The following TBC1D19 variants were observed in gnomAD, a reference collection of about 807,000 sequenced individuals.
TBC1D19 encodes TBC1 domain family, member 19.
TBC1D19 carries 60 observed loss-of-function variants against 89.0 expected under a neutral mutation model. The observed-to-expected ratio is 0.67, with a 90% CI of 0.55 to 0.84. The LOEUF is 0.84. Ranked by LOEUF, TBC1D19 falls within the 40% of genes least tolerant of loss-of-function variation. The pLI is 0.00. For missense variants in TBC1D19, 500 were observed against 610.8 expected, an observed-to-expected ratio of 0.82 and a Z score of 1.91; for synonymous variants, 189 against 199.7, an observed-to-expected ratio of 0.95 and a Z score of 0.45.
chr4:26,644,588 GAA>G (rs1258598145), intron 7 of TBC1D19, among the ~76,000 whole-genome samples: 2 of 152,194 alleles, frequency 1.3e-5, no homozygotes, highest in African/African-American at 4.8e-5. Flanking sequence ...TCAGGCAAGA[GAA>G]AGAAATAAAG....
chr4:26,608,903 A>G (rs1451228336), intron 1 of TBC1D19, among the ~76,000 whole-genome samples: 1 of 151,646 alleles, frequency 6.6e-6, no homozygotes, highest in Non-Finnish European at 1.5e-5. Context: ...GGCACTATTC[A>G]CAATAGCAAA....
At chr4:26,682,187 A>G (rs1297884259) in intron 11 of TBC1D19, among the ~76,000 whole-genome samples, 1 of 152,168 alleles carries the variant, frequency 6.6e-6, no homozygotes, top group Non-Finnish European at 1.5e-5. Flanking sequence ...TTGATATTTG[A>G]ATTAGGTGCT....
At chr4:26,653,199 G>T (rs937689122) in intron 7 of TBC1D19, among the ~76,000 whole-genome samples, 1 of 152,174 alleles carries the variant, frequency 6.6e-6, no homozygotes, top group African/African-American at 2.4e-5. Flanking sequence ...TCTTAATCCT[G>T]ACTTCTAGTT....
intron 19 of TBC1D19, 36 bp downstream of exon 19, chr4:26,748,562 T>C: frequency 6.9e-7 from 1 of 1,441,788 alleles, no homozygotes. Context: ...ACACATGCTG[T>C]TTCTATAATA....
chr4:26,797,898 G>A, the TBC1D19 span, among the ~76,000 whole-genome samples: 1 of 151,876 alleles, frequency 6.6e-6, no homozygotes, highest in Non-Finnish European at 1.5e-5. Context: ...ATTAACTCAA[G>A]GTATATTAAA....
intron 13 of TBC1D19, among the ~76,000 whole-genome samples, chr4:26,714,613 C>A (rs943855974): frequency 6.6e-6 from 1 of 151,928 alleles, no homozygotes; most frequent in Non-Finnish European, 1.5e-5. Flanking sequence ...ATTTGGAAGG[C>A]CTTCTTTAAG....
intron 1 of TBC1D19, among the ~76,000 whole-genome samples, chr4:26,600,842 A>G (rs1560408569): frequency 6.6e-6 from 1 of 152,212 alleles, no homozygotes; most frequent in Non-Finnish European, 1.5e-5. Flanking sequence ...ATTCCTGGCT[A>G]CAATGTGTGT....
At chr4:26,583,429 G>A (rs1739191265), upstream of TBC1D19, among the ~76,000 whole-genome samples, 1 of 152,228 alleles carries the variant, frequency 6.6e-6, no homozygotes, top group Admixed American at 6.5e-5. Flanking sequence ...GGAAGAGGAT[G>A]AATCTAGACG....
chr4:26,612,710 A>C (rs1741455808), intron 1 of TBC1D19, among the ~76,000 whole-genome samples: 1 of 152,154 alleles, frequency 6.6e-6, no homozygotes, highest in Admixed American at 6.6e-5. Context: ...ATTTTCTACA[A>C]ATATACACAA....
chr4:26,626,698 G>T (rs1440027472), intron 4 of TBC1D19, among the ~76,000 whole-genome samples: 1 of 151,918 alleles, frequency 6.6e-6, no homozygotes, highest in Non-Finnish European at 1.5e-5. Flanking sequence ...TGGCAAAAAT[G>T]ATAATTTTGT....
intron 8 of TBC1D19, among the ~76,000 whole-genome samples, chr4:26,662,488 A>G (rs1235963624): frequency 6.6e-6 from 1 of 152,166 alleles, no homozygotes; most frequent in Non-Finnish European, 1.5e-5. Context: ...CATCTGACCA[A>G]AAGGAGTTCC....
intron 4 of TBC1D19, among the ~76,000 whole-genome samples, chr4:26,622,388 T>A (rs1742114122): frequency 6.8e-6 from 1 of 147,530 alleles, no homozygotes; most frequent in Non-Finnish European, 1.5e-5. Context: ...AAAACATAAA[T>A]TTTTTTTTTT....
chr4:26,579,993 C>T (rs567262409), upstream of TBC1D19, among the ~76,000 whole-genome samples: 41 of 152,326 alleles, frequency 2.7e-4, no homozygotes, highest in Middle Eastern at 3.4e-3. Flanking sequence ...CCTTGGGACT[C>T]TCCTCCAGAC....
intron 13 of TBC1D19, among the ~76,000 whole-genome samples, chr4:26,701,076 A>T (rs190286862): frequency 6.6e-6 from 1 of 152,158 alleles, no homozygotes; most frequent in Non-Finnish European, 1.5e-5. Flanking sequence ...TCATAAGTTC[A>T]CTATACTCCT....
chr4:26,764,820 G>A, the TBC1D19 span, among the ~76,000 whole-genome samples: 1 of 152,192 alleles, frequency 6.6e-6, no homozygotes, highest in Non-Finnish European at 1.5e-5. Flanking sequence ...GTGCTTCTGA[G>A]AGAATGGTAA....
rs114103388 is a variant in TBC1D19, at chr4:26,714,170, A to T, written c.955-3763A>T. On this transcript the variant is annotated intron_variant, in intron 13 of 20. Transcript: ENST00000264866. ...AGACCAGCCTGGGCAACATAATTAG[A>T]CCCTGTCTCTACCAAAAAAATTAAA... is the stretch of plus-strand genomic sequence containing the variant. 3.9e-3 allele frequency among the ~76,000 whole-genome samples: 601 copies of T among 152,162 alleles called. 5 individuals are homozygous for T. The highest frequency in any genetic ancestry group is 5.6e-3 in the Admixed American group (86 of 15,252).
At chr4:26,734,952 A>ATATGTATATGTATATATGTATACACG (rs1560503717) in intron 15 of TBC1D19, among the ~76,000 whole-genome samples, 2 of 59,082 alleles carry the variant, frequency 3.4e-5, no homozygotes, top group African/African-American at 9.0e-5. Flanking sequence ...ATGTATACAC[A>ATATGTATATGTATATATGTATACACG]TATGTATATG....
intron 15 of TBC1D19, among the ~76,000 whole-genome samples, chr4:26,732,760 G>C (rs995695535): frequency 6.6e-6 from 1 of 152,174 alleles, no homozygotes; most frequent in Non-Finnish European, 1.5e-5. Context: ...CCTGACTGCT[G>C]CTTGCCAGTC....
At chr4:26,720,515 G>T (rs1413347939) in intron 15 of TBC1D19, among the ~76,000 whole-genome samples, 1 of 152,056 alleles carries the variant, frequency 6.6e-6, no homozygotes, top group African/African-American at 2.4e-5. Flanking sequence ...TTTGACCAAT[G>T]TAGTATTTAT....
Sources: gnomAD v4.1 joint callset for allele counts (sites outside exome capture counted in the v4.1 genomes callset) on GRCh38, gnomAD v4.1.1 for gene constraint, MANE v1.5 for transcripts, NCBI Gene and HGNC (gene_info 2026-07-23, HGNC 2026-07-21) for gene names.